The following PARD3 variants were observed in gnomAD, a reference collection of about 807,000 sequenced individuals.
PARD3 encodes the protein partitioning defective 3 homolog.
In PARD3, 75 loss-of-function variants were observed where a neutral mutation model predicts 155.4. The ratio of observed to expected loss-of-function variants is 0.48; its 90% CI spans 0.40 to 0.58. PARD3 has a LOEUF of 0.58. PARD3 is among the 20% of genes least tolerant of loss of function. The pLI is 0.00. For synonymous variants in PARD3, 576 were observed against 610.5 expected (o/e 0.94, Z 0.83); for missense variants, 1,642 against 1,721.7 (o/e 0.95, Z 0.82).
chr10:34,493,938 C>T (rs972434402), intron 3 of PARD3, among the ~76,000 whole-genome samples: 1 of 152,160 alleles, frequency 6.6e-6, no homozygotes, highest in African/African-American at 2.4e-5. Flanking sequence ...CATCCCAACT[C>T]AACATTCAGT....
At chr10:34,329,160 A>C (rs2134215625) in intron 19 of PARD3, among the ~76,000 whole-genome samples, 1 of 152,330 alleles carries the variant, frequency 6.6e-6, no homozygotes, top group African/African-American at 2.4e-5. Context: ...TCAGATGTCC[A>C]TGTTGGTGGG....
intron 20 of PARD3, among the ~76,000 whole-genome samples, chr10:34,297,205 A>C (rs1292395799): frequency 6.6e-6 from 1 of 152,170 alleles, no homozygotes; most frequent in African/African-American, 2.4e-5. Context: ...CGGGAGGCTT[A>C]GGTGGGAAGA....
chr10:34,128,193 C>A (rs1360932390), intron 23 of PARD3, among the ~76,000 whole-genome samples: 1 of 152,176 alleles, frequency 6.6e-6, no homozygotes, highest in Non-Finnish European at 1.5e-5. Flanking sequence ...CTTCAAACTA[C>A]AGTTGACCCT....
At chr10:34,790,579 GAAGTACCAGGA>G (rs1375919447) in intron 1 of PARD3, among the ~76,000 whole-genome samples, 1 of 152,130 alleles carries the variant, frequency 6.6e-6, no homozygotes, top group African/African-American at 2.4e-5. Flanking sequence ...ATGAGAAGCT[GAAGTACCAGGA>G]AAGAGGAAAA....
At position 34,110,767 on chromosome 10, in the gene PARD3, C is replaced by T. The variant is rs1946349469; in HGVS notation, c.*402G>A. 6.4e-6 allele frequency: 1 copy of T among 157,374 alleles called. No homozygotes were observed. Among genetic ancestry groups the T allele is most frequent in the Non-Finnish European group, 1.4e-5 (1 of 71,738 alleles). 9.7% of individuals were successfully genotyped at this position (157,374 alleles called of 1,614,324 possible). A position where few individuals can be genotyped will look rare whatever the true frequency, so the allele number is the denominator to read the frequency against. On this transcript the variant is annotated 3_prime_UTR_variant, in exon 25 of 25. Transcript: ENST00000374788. ...CTCCACCAGAGACTAAGATGTCATCCCATAGCTAAGAGAACTTAGAGGGAG... is the reference window on the plus strand; with the variant it reads ...CTCCACCAGAGACTAAGATGTCATCTCATAGCTAAGAGAACTTAGAGGGAG...
chr10:34,440,143 T>C (rs1316465493), intron 5 of PARD3, among the ~76,000 whole-genome samples: 2 of 152,278 alleles, frequency 1.3e-5, no homozygotes, highest in African/African-American at 4.8e-5. Context: ...AGCTAGATCA[T>C]AAAATTTCAA....
intron 2 of PARD3, among the ~76,000 whole-genome samples, chr10:34,594,675 A>G (rs2089078144): frequency 6.6e-6 from 1 of 152,138 alleles, no homozygotes; most frequent in Non-Finnish European, 1.5e-5. Context: ...TACAAAATAT[A>G]CAAAAATTAG....
intron 19 of PARD3, among the ~76,000 whole-genome samples, chr10:34,319,773 G>A (rs1958265382): frequency 6.6e-6 from 1 of 152,178 alleles, no homozygotes; most frequent in Non-Finnish European, 1.5e-5. Context: ...CTTGAACATG[G>A]CTGTGTTCTA....
chr10:34,733,444 T>C (rs1196671990), intron 1 of PARD3, among the ~76,000 whole-genome samples: 1 of 152,218 alleles, frequency 6.6e-6, no homozygotes, highest in East Asian at 1.9e-4. Flanking sequence ...AGAAAAATTA[T>C]TCAGCTTAAA....
chr10:34,718,937 TG>T (rs1216901106), intron 1 of PARD3, among the ~76,000 whole-genome samples: 2 of 151,890 alleles, frequency 1.3e-5, no homozygotes, highest in African/African-American at 4.8e-5. Flanking sequence ...CACTCAAGCC[TG>T]GGGGACAAGA....
chr10:34,452,100 A>T (rs2077093644), intron 4 of PARD3, among the ~76,000 whole-genome samples: 1 of 152,152 alleles, frequency 6.6e-6, no homozygotes, highest in African/African-American at 2.4e-5. Flanking sequence ...GTACACTGAA[A>T]TGCAAGTATA....
intron 3 of PARD3, among the ~76,000 whole-genome samples, chr10:34,476,734 CT>C (rs140831003): frequency 0.031 from 4,659 of 152,172 alleles, 234 homozygotes; most frequent in African/African-American, 0.11. Context: ...GAAAAATGTA[CT>C]AGAAAAAAAC....
Position 34,691,393 on chromosome 10 carries a change from G to A in PARD3, c.222+4925C>T, listed in dbSNP as rs778025251. Among the ~76,000 whole-genome samples, 23 of 152,056 alleles carry A rather than the reference G, an allele frequency of 1.5e-4. 1 individual carries two copies. The highest frequency in any genetic ancestry group is 9.8e-4 in the Admixed American group (15 of 15,264). ...TAGGAATACAGCTAACCAAAGAAAC[G>A]AAAGATCTCTACAATGAGAATTTAA... On this transcript the variant is annotated intron_variant, in intron 2 of 24. Transcript: ENST00000374788.
At chr10:34,583,282 A>T (rs1337391503) in intron 2 of PARD3, among the ~76,000 whole-genome samples, 1 of 152,210 alleles carries the variant, frequency 6.6e-6, no homozygotes, top group African/African-American at 2.4e-5. Context: ...ACAACAAAAC[A>T]CCAGGAAGAA....
intron 1 of PARD3, among the ~76,000 whole-genome samples, chr10:34,803,332 G>A (rs1843007435): frequency 6.6e-6 from 1 of 151,920 alleles, no homozygotes; most frequent in Admixed American, 6.6e-5. Flanking sequence ...ATGTCTGGGA[G>A]AGATTCCTCT....
intron 2 of PARD3, among the ~76,000 whole-genome samples, chr10:34,587,101 G>C (rs2088141210): frequency 6.6e-6 from 1 of 152,098 alleles, no homozygotes; most frequent in African/African-American, 2.4e-5. Context: ...AAGCCACTGA[G>C]GCTAATGTTT....
intron 22 of PARD3, among the ~76,000 whole-genome samples, chr10:34,132,749 C>A (rs993207772): frequency 6.6e-6 from 1 of 152,150 alleles, no homozygotes; most frequent in East Asian, 1.9e-4. Context: ...AAACCCATAA[C>A]CCTAAATGGG....
At chr10:34,180,411 A>AAT (rs1950219446) in intron 22 of PARD3, among the ~76,000 whole-genome samples, 1 of 152,194 alleles carries the variant, frequency 6.6e-6, no homozygotes, top group Admixed American at 6.5e-5. Context: ...ACTCCTTATT[A>AAT]ATACAGGATA....
At chr10:34,482,693 T>C (rs2079161708) in intron 3 of PARD3, among the ~76,000 whole-genome samples, 1 of 152,180 alleles carries the variant, frequency 6.6e-6, no homozygotes, top group Non-Finnish European at 1.5e-5. Context: ...CTAGATTCTT[T>C]TTGTACTTTC....
Sources: gnomAD v4.1 joint callset for allele counts (sites outside exome capture counted in the v4.1 genomes callset) on GRCh38, gnomAD v4.1.1 for gene constraint, MANE v1.5 for transcripts, NCBI Gene and HGNC (gene_info 2026-07-23, HGNC 2026-07-21) for gene names.